The following FRMD4B variants were observed in gnomAD, a reference collection of about 807,000 sequenced individuals.
FRMD4B encodes FERM domain-containing protein 4B.
Under a neutral mutation model 141.5 loss-of-function variants are expected in FRMD4B, and 74 were observed. The observed-to-expected ratio is 0.52, with a 90% CI of 0.43 to 0.63. The LOEUF is 0.63. FRMD4B is among the 30% of genes least tolerant of loss of function. FRMD4B has a pLI of 0.00. For synonymous variants in FRMD4B, 506 were observed against 467.9 expected (o/e 1.08, Z -1.05); for missense variants, 1,366 against 1,253.4 (o/e 1.09, Z -1.36).
chr3:69,276,227 C>T (rs1468439409), intron 5 of FRMD4B, among the ~76,000 whole-genome samples: 1 of 151,996 alleles, frequency 6.6e-6, no homozygotes, highest in Non-Finnish European at 1.5e-5. Flanking sequence ...TAAAATCTTC[C>T]AAAGAATAGA....
intron 1 of FRMD4B, among the ~76,000 whole-genome samples, chr3:69,534,532 C>T (rs972826602): frequency 6.6e-6 from 1 of 152,198 alleles, no homozygotes; most frequent in African/African-American, 2.4e-5. Context: ...TGTGCCTACT[C>T]AGCATGGTTA....
At chr3:69,481,447 T>A (rs1706123313) in intron 1 of FRMD4B, among the ~76,000 whole-genome samples, 1 of 152,168 alleles carries the variant, frequency 6.6e-6, no homozygotes, top group Non-Finnish European at 1.5e-5. Flanking sequence ...TATCAGGACT[T>A]TTTTGGTTAT....
chr3:69,240,482 C>CAAAAAAAA (rs11344881), intron 7 of FRMD4B, among the ~76,000 whole-genome samples: 2 of 72,438 alleles, frequency 2.8e-5, no homozygotes, highest in African/African-American at 5.6e-5. Context: ...GACTCTGTCT[C>CAAAAAAAA]AAAAAAAAAA....
chr3:69,207,900 A>T (rs2093039544), intron 11 of FRMD4B, among the ~76,000 whole-genome samples: 1 of 151,708 alleles, frequency 6.6e-6, no homozygotes, highest in Admixed American at 6.6e-5. Context: ...CCATTTCTAC[A>T]CGGAACTCCG....
chr3:69,169,374 T>TA lies in FRMD4B; in HGVS notation c.*2486_*2487insT, dbSNP rs2092564340. Among the ~76,000 whole-genome samples, 2 of 141,540 alleles carry TA rather than the reference T, an allele frequency of 1.4e-5. No individual in the cohort carries two copies. Among genetic ancestry groups the TA allele is most frequent in the Non-Finnish European group, 3.0e-5 (2 of 67,030 alleles). The allele number at this position is 141,540 out of a possible 152,430, so 92.9% of individuals were successfully genotyped here. On this transcript the variant is annotated 3_prime_UTR_variant, in exon 23 of 23. Transcript: ENST00000398540. ...CTTTCTTTTTTTTTTTTTTTTTTTT[T>TA]TCTTGAGACAAGGTCTGTTATTGCC...
intron 5 of FRMD4B, among the ~76,000 whole-genome samples, chr3:69,261,056 C>G (rs1310005637): frequency 6.6e-6 from 1 of 152,190 alleles, no homozygotes; most frequent in Admixed American, 6.5e-5. Flanking sequence ...AGCAGGTTGC[C>G]AGAGCCAGAT....
chr3:69,347,556 T>C (rs1292155406), intron 1 of FRMD4B, among the ~76,000 whole-genome samples: 2 of 152,206 alleles, frequency 1.3e-5, no homozygotes, highest in Admixed American at 1.3e-4. Flanking sequence ...ATTGCACTTA[T>C]TCCAAAATTG....
chr3:69,204,589 T>C (rs1157396522), intron 11 of FRMD4B, among the ~76,000 whole-genome samples: 2 of 152,218 alleles, frequency 1.3e-5, no homozygotes, highest in African/African-American at 2.4e-5. Flanking sequence ...ACATGATACA[T>C]ATACTGTTAG....
intron 7 of FRMD4B, among the ~76,000 whole-genome samples, chr3:69,241,271 A>G (rs2093380828): frequency 6.6e-6 from 1 of 152,218 alleles, no homozygotes; most frequent in African/African-American, 2.4e-5. Flanking sequence ...TCCTACTCTG[A>G]TTCTATGGTT....
chr3:69,275,027 C>T (rs1368271068), intron 5 of FRMD4B, among the ~76,000 whole-genome samples: 1 of 152,166 alleles, frequency 6.6e-6, no homozygotes, highest in Non-Finnish European at 1.5e-5. Flanking sequence ...AACAGAAGAA[C>T]ATATGGCATG....
At chr3:69,241,833 C>A (rs982294484) in intron 7 of FRMD4B, among the ~76,000 whole-genome samples, 2 of 152,052 alleles carry the variant, frequency 1.3e-5, no homozygotes, top group Non-Finnish European at 2.9e-5. Context: ...TGCACCACTG[C>A]ACTCCAGCCT....
chr3:69,283,970 C>CAAA (rs146536193), intron 5 of FRMD4B, among the ~76,000 whole-genome samples: 42,202 of 135,282 alleles, frequency 0.31, 6,381 homozygotes, highest in Admixed American at 0.34. Context: ...CAAAACAAAA[C>CAAA]AAAACAAAAA....
At chr3:69,481,877 T>C (rs1183793003) in intron 1 of FRMD4B, among the ~76,000 whole-genome samples, 1 of 152,194 alleles carries the variant, frequency 6.6e-6, no homozygotes, top group African/African-American at 2.4e-5. Context: ...CAGTGGCTCC[T>C]ACAGCAACCA....
At chr3:69,200,942 C>A (rs1318138619) in intron 11 of FRMD4B, 4 of 440,858 alleles carry the variant, frequency 9.1e-6, no homozygotes, top group African/African-American at 2.0e-5. Flanking sequence ...ACCACCTCCC[C>A]CTCTTATCAC....
intron 11 of FRMD4B, chr3:69,199,122 A>G (rs1005831966): frequency 3.1e-5 from 6 of 193,030 alleles, no homozygotes; most frequent in Non-Finnish European, 6.5e-5. Context: ...TACAAAAAAA[A>G]TTAGCCGGGC....
At chr3:69,230,200 A>T (rs1260051644) in intron 7 of FRMD4B, among the ~76,000 whole-genome samples, 2 of 149,656 alleles carry the variant, frequency 1.3e-5, no homozygotes, top group African/African-American at 4.9e-5. Flanking sequence ...CTGATCTTGA[A>T]CTCCTGACCT....
intron 5 of FRMD4B, among the ~76,000 whole-genome samples, chr3:69,281,838 A>AAATATAT (rs1553715921): frequency 2.3e-4 from 29 of 128,224 alleles, no homozygotes; most frequent in African/African-American, 6.6e-4. Context: ...AAAAAAAAAA[A>AAATATAT]ATATATATAT....
chr3:69,426,355 T>C (rs1705078248), intron 2 of FRMD4B, among the ~76,000 whole-genome samples: 1 of 152,116 alleles, frequency 6.6e-6, no homozygotes, highest in Non-Finnish European at 1.5e-5. Context: ...TGTGTGTGTG[T>C]TGGGTAAAGG....
intron 1 of FRMD4B, among the ~76,000 whole-genome samples, chr3:69,360,401 C>T (rs1703438732): frequency 6.6e-6 from 1 of 152,096 alleles, no homozygotes; most frequent in African/African-American, 2.4e-5. Context: ...AAAAAGTTAA[C>T]AGTAATTCCT....
Sources: gnomAD v4.1 joint callset for allele counts (sites outside exome capture counted in the v4.1 genomes callset) on GRCh38, gnomAD v4.1.1 for gene constraint, MANE v1.5 for transcripts, NCBI Gene and HGNC (gene_info 2026-07-23, HGNC 2026-07-21) for gene names.